UBC: variants seen among roughly 807,000 people sequenced by gnomAD.
UBC encodes polyubiquitin-C.
UBC carries 8 observed loss-of-function variants against 34.7 expected under a neutral mutation model. The ratio of observed to expected loss-of-function variants is 0.23; its 90% CI spans 0.14 to 0.42. UBC has a LOEUF of 0.42. UBC is among the 10% of genes least tolerant of loss of function. UBC has a pLI of 1.00. For missense variants in UBC, 323 were observed against 750.3 expected (o/e 0.43, Z 6.65); for synonymous variants, 367 against 299.8 (o/e 1.22, Z -2.32).
chr12:124,913,870 G>A (rs538442214), intron 1 of UBC, 96 bp from the exon 2 acceptor site: 9 of 1,549,680 alleles, frequency 5.8e-6, no homozygotes, highest in South Asian at 1.2e-5. Flanking sequence ...CATTTCAAAA[G>A]GTGCCTAAAA....
rs761615152 is a variant in UBC at position 124,913,786 on chromosome 12, G to A, written c.-3-12C>T. 12 of 1,611,628 alleles carry A rather than the reference G, an allele frequency of 7.4e-6. No individual in the cohort carries two copies. The highest frequency in any genetic ancestry group is 1.7e-5 in the Admixed American group (1 of 59,612). On this transcript the variant is annotated splice_polypyrimidine_tract_variant and intron_variant, in intron 1 of 1. Transcript: ENST00000339647. Reference sequence around the variant, plus strand: ...AAGATCTGCATTGTCTAACAAAAAAGCCAAAAACGGCCAGAATTTAGCGGA... The same window carrying A: ...AAGATCTGCATTGTCTAACAAAAAAACCAAAAACGGCCAGAATTTAGCGGA...
In UBC at chr12:124,912,887, C is replaced by T; in HGVS notation, c.885G>A (p.Leu295=). The part of the protein sequence containing the change: ...SDYNIQKEST[L]HLVLRLRGGM... ...CACCTCTGAGACGGAGCACCAGGTG[C>T]AGGGTAGACTCTTTCTGGATGTTGT... The change falls in exon 2 of 2, where the codon CTG becomes CTA. Residue 295 remains leucine (L), a synonymous_variant. Coordinates refer to ENST00000339647, the MANE Select transcript of UBC (RefSeq NM_021009.7). 1 of 1,610,120 alleles carries T rather than the reference C, an allele frequency of 6.2e-7. No homozygotes were observed. The highest frequency in any genetic ancestry group is 8.5e-7 in the Non-Finnish European group (1 of 1,178,078).
rs1071864 is a variant in UBC at position 124,912,131 on chromosome 12, G to A, written c.1641C>T (p.Leu547=). The part of the protein sequence containing the change: ...VKTLTGKTIT[L]EVEPSDTIEN... ...CAATGGTGTCACTCGGCTCCACTTC[G>A]AGAGTGATGGTCTTACCAGTCAGGG... Residue 547 remains leucine (L), a synonymous_variant, in exon 2 of 2, where the codon CTC becomes CTT. Coordinates refer to ENST00000339647, the MANE Select transcript of UBC (RefSeq NM_021009.7). The A allele has an allele frequency of 9.2e-6, 9 of 977,032 alleles. No homozygotes were observed. The Admixed American group carries it at 1.1e-4, about 12-fold the overall frequency. 60.5% of individuals were successfully genotyped at this position (977,032 alleles called of 1,614,324 possible).
Position 124,913,502 on chromosome 12 carries a change from G to A in UBC, c.270C>T (p.Thr90=), listed in dbSNP as rs1136639. The change falls in exon 2 of 2, where the codon ACC becomes ACT. Residue 90 remains threonine (T), a synonymous_variant. Transcript: ENST00000339647. ...FVKTLTGKTI[T]LEVEPSDTIE... is the part of the protein sequence containing the mutation. Reference sequence around the variant, plus strand: ...TGGTGTCACTGGGCTCGACCTCAAGGGTGATGGTCTTGCCAGTGAGTGTCT... The same window carrying A: ...TGGTGTCACTGGGCTCGACCTCAAGAGTGATGGTCTTGCCAGTGAGTGTCT... 8.1e-6 allele frequency: 13 copies of A among 1,610,846 alleles called. No individual in the cohort carries two copies. Among genetic ancestry groups the A allele is most frequent in the South Asian group, 3.3e-5 (3 of 90,710 alleles).
chr12:124,913,916 T>G, intron 1 of UBC, 142 bp from the exon 2 acceptor site: 2 of 1,344,318 alleles, frequency 1.5e-6, no homozygotes, highest in Non-Finnish European at 1.0e-6. Context: ...CCCGAGCGCA[T>G]AGTTCAAAAC....
chr12:124,913,564 C>G lies in UBC; in HGVS notation c.208G>C (p.Val70Leu). Residue 70 changes from valine (V) to leucine (L), a missense_variant, in exon 2 of 2, where the codon GTG becomes CTG. By Grantham distance (32) the Val-to-Leu change is conservative (BLOSUM62 1). Transcript: ENST00000339647. ...NIQKESTLHL[V>L]LRLRGGMQIF... Reference sequence around the variant, plus strand: ...TGCATCCCACCTCTGAGACGGAGCACCAGGTGCAGGGTGGACTCTTTCTGG... The same window carrying G: ...TGCATCCCACCTCTGAGACGGAGCAGCAGGTGCAGGGTGGACTCTTTCTGG... The G allele has an allele frequency of 6.2e-7, 1 of 1,609,846 alleles. No homozygotes were observed.
chr12:124,913,876 TA>T, intron 1 of UBC, 102 bp from the exon 2 acceptor site: 1 of 1,537,846 alleles, frequency 6.5e-7, no homozygotes, highest in Non-Finnish European at 8.8e-7. Context: ...AAAAGGTGCC[TA>T]AAAAACTTCA....
Position 124,913,082 on chromosome 12 carries a change from T to C in UBC, c.690A>G (p.Gln230=), listed in dbSNP as rs368316615. 333 of 1,565,122 alleles carry C rather than the reference T, an allele frequency of 2.1e-4. No homozygotes were observed. The highest frequency in any genetic ancestry group is 2.0e-3 in the African/African-American group (120 of 60,506). Residue 230 remains glutamine (Q), a synonymous_variant, in exon 2 of 2, where the codon CAA becomes CAG. Transcript: ENST00000339647. ...HLVLRLRGGM[Q]IFVKTLTGKT... is the part of the protein sequence containing the mutation. ...TGCCAGTGAGTGTCTTCACGAAGAT[T>C]TGCATCCCACCTCTGAGACGGAGTA...
In UBC at chr12:124,912,778, C is replaced by T. The variant is rs777742088; in HGVS notation, c.994G>A (p.Ala332Thr). 17 of 1,604,624 alleles carry T rather than the reference C, an allele frequency of 1.1e-5. No individual in the cohort carries two copies. In the Admixed American group the frequency reaches 1.2e-4, roughly 11 times the overall value. ...EPSDTIENVK[A>T]KIQDKEGIPP... ...ATGCCTTCCTTGTCTTGGATCTTTGCCTTGACATTCTCAATGGTGTCACTC... is the reference window on the plus strand; with the variant it reads ...ATGCCTTCCTTGTCTTGGATCTTTGTCTTGACATTCTCAATGGTGTCACTC... Residue 332 changes from alanine to threonine, a missense_variant, in exon 2 of 2, where the codon GCA becomes ACA. Ala to Thr is a moderately conservative substitution (Grantham distance 58). Coordinates refer to ENST00000339647, the MANE Select transcript of UBC (RefSeq NM_021009.7).
In UBC at chr12:124,911,947, T is replaced by G; in HGVS notation, c.1825A>C (p.Met609Leu). 6.3e-7 allele frequency: 1 copy of G among 1,595,608 alleles called. No individual in the cohort carries two copies. The highest frequency in any genetic ancestry group is 8.5e-7 in the Non-Finnish European group (1 of 1,171,650). ...LHLVLRLRGG[M>L]QIFVKTLTGK... Reference sequence around the variant, plus strand: ...GTCAGGGTCTTCACGAAGATTTGCATCCCACCTCTGAGACGGAGCACCAGG... The same window carrying G: ...GTCAGGGTCTTCACGAAGATTTGCAGCCCACCTCTGAGACGGAGCACCAGG... Residue 609 changes from methionine to leucine, a missense_variant, in exon 2 of 2, where the codon ATG (methionine) becomes CTG (leucine). Physicochemically the swap from Met to Leu is conservative, Grantham distance 15. Coordinates refer to ENST00000339647, the MANE Select transcript of UBC (RefSeq NM_021009.7).
chr12:124,913,715 G>A lies in UBC; in HGVS notation c.57C>T (p.Pro19=), dbSNP rs752147004. The part of the protein sequence containing the change: ...TGKTITLEVE[P]SDTIENVKAK... ...CCTTGACATTCTCGATGGTGTCACT[G>A]GGCTCAACCTCGAGGGTGATGGTCT... The change falls in exon 2 of 2, where the codon CCC becomes CCT. Residue 19 remains proline, a synonymous_variant. Coordinates refer to ENST00000339647, the MANE Select transcript of UBC (RefSeq NM_021009.7). The A allele has an allele frequency of 3.7e-6, 6 of 1,614,024 alleles. No individual in the cohort carries two copies. Among genetic ancestry groups the A allele is most frequent in the South Asian group, 2.2e-5 (2 of 91,066 alleles).
At chr12:124,914,024 G>A (rs1322047581) in intron 1 of UBC, 2 of 570,718 alleles carry the variant, frequency 3.5e-6, no homozygotes, top group African/African-American at 1.9e-5. Flanking sequence ...GGCGCCTGTC[G>A]ATTCAGGAGA....
rs776092516 is a variant in UBC, at chr12:124,913,608, G to C, written c.164C>G (p.Thr55Ser). The C allele has an allele frequency of 3.1e-6, 5 of 1,612,042 alleles. No individual in the cohort carries two copies. Among genetic ancestry groups the C allele is most frequent in the Non-Finnish European group, 4.2e-6 (5 of 1,179,166 alleles). Residue 55 changes from threonine to serine, a missense_variant, in exon 2 of 2, where the codon ACC becomes AGC. Physicochemically the swap from Thr to Ser is moderately conservative, Grantham distance 58. This residue lies in a region of UBC where 202 missense variants were observed against 361.9 expected (regional missense o/e 0.56). Coordinates refer to ENST00000339647, the MANE Select transcript of UBC (RefSeq NM_021009.7). ...FAGKQLEDGRTLSDYNIQKES... is the reference protein window; with the variant it reads ...FAGKQLEDGRSLSDYNIQKES... ...TTTCTGGATGTTGTAGTCAGACAGGGTGCGCCCATCTTCCAGCTGTTTTCC... is the reference window on the plus strand; with the variant it reads ...TTTCTGGATGTTGTAGTCAGACAGGCTGCGCCCATCTTCCAGCTGTTTTCC...
In UBC at chr12:124,913,068, G is replaced by A; in HGVS notation, c.704C>T (p.Thr235Ile). Residue 235 changes from threonine to isoleucine, a missense_variant, in exon 2 of 2, where the codon ACA (threonine) becomes ATA (isoleucine). This residue lies in a region of UBC where 202 missense variants were observed against 361.9 expected (regional missense o/e 0.56). Coordinates refer to ENST00000339647, the MANE Select transcript of UBC (RefSeq NM_021009.7). ...AAGGGTGATGGTCTTGCCAGTGAGTGTCTTCACGAAGATTTGCATCCCACC... is the reference window on the plus strand; with the variant it reads ...AAGGGTGATGGTCTTGCCAGTGAGTATCTTCACGAAGATTTGCATCCCACC... Reference protein sequence around the residue: ...LRGGMQIFVKTLTGKTITLEV... With the variant: ...LRGGMQIFVKILTGKTITLEV... 1 of 1,610,382 alleles carries A rather than the reference G, an allele frequency of 6.2e-7. No individual in the cohort carries two copies.
In UBC at chr12:124,911,838, G is replaced by C. The variant is rs1204149508; in HGVS notation, c.1934C>G (p.Pro645Arg). 6.2e-7 allele frequency: 1 copy of C among 1,612,282 alleles called. No individual in the cohort carries two copies. Among genetic ancestry groups the C allele is most frequent in the Non-Finnish European group, 8.5e-7 (1 of 1,179,444 alleles). Residue 645 changes from proline to arginine, a missense_variant, in exon 2 of 2, where the codon CCT becomes CGT. Transcript: ENST00000339647. The part of the protein sequence containing the change: ...KAKIQDKEGI[P>R]PDQQRLIFAG... ...AAAGATCAACCTCTGCTGATCAGGAGGGATGCCTTCCTTATCTTGGATCTT... is the reference window on the plus strand; with the variant it reads ...AAAGATCAACCTCTGCTGATCAGGACGGATGCCTTCCTTATCTTGGATCTT...
intron 1 of UBC, 197 bp from the exon 2 acceptor site, chr12:124,913,971 G>A (rs2070628): frequency 0.94 from 764,059 of 814,598 alleles, 364,715 homozygotes; most frequent in Non-Finnish European, 1. Flanking sequence ...AAACCGACCA[G>A]AGAAACTGAC....
chr12:124,913,841 A>C, intron 1 of UBC, 67 bp from the exon 2 acceptor site: 1 of 1,581,862 alleles, frequency 6.3e-7, no homozygotes, highest in Non-Finnish European at 8.6e-7. Context: ...TGAAAATTAC[A>C]TATTGACCCA....
rs751044489 is a variant in UBC at position 124,911,830 on chromosome 12, G to A, written c.1942C>T (p.Gln648Ter). 4 of 1,612,990 alleles carry A rather than the reference G, an allele frequency of 2.5e-6. No individual in the cohort carries two copies. In the East Asian group the frequency reaches 6.7e-5, roughly 27 times the overall value. The change falls in exon 2 of 2, where the codon CAG (glutamine) becomes TAG (stop). Residue 648 changes from glutamine (Q) to a stop codon, truncating the protein, a stop_gained. Coordinates refer to ENST00000339647, the MANE Select transcript of UBC (RefSeq NM_021009.7). LOFTEE classifies it high-confidence loss of function. ...TTCCCAGCAAAGATCAACCTCTGCT[G>A]ATCAGGAGGGATGCCTTCCTTATCT... is the stretch of plus-strand genomic sequence containing the variant. ...IQDKEGIPPD[Q>*]QRLIFAGKQL...
Position 124,911,702 on chromosome 12 carries a change from A to C in UBC, c.*12T>G. 2 of 1,612,594 alleles carry C rather than the reference A, an allele frequency of 1.2e-6. No individual in the cohort carries two copies. The highest frequency in any genetic ancestry group is 1.7e-4 in the Middle Eastern group (1 of 6,044). The stretch of plus-strand genomic sequence containing the variant: ...GTGCAATGAAATTTGTTGAAACCTT[A>C]AAAGGGGAAACTTAGACACCCCCCC... On this transcript the variant is annotated 3_prime_UTR_variant, in exon 2 of 2. Transcript: ENST00000339647.
Sources: allele counts gnomAD v4.1 joint callset, GRCh38; gene constraint gnomAD v4.1.1; regional missense constraint gnomAD v4.1.1; transcripts MANE v1.5; gene names NCBI Gene and HGNC (gene_info 2026-07-23, HGNC 2026-07-21).